The following AFG2B variants were observed in gnomAD, a reference collection of about 807,000 sequenced individuals.
The protein encoded by AFG2B is AAA ATPase AFG2B.
chr15:45,407,083 G>A, the AFG2B span: 24 of 1,289,182 alleles, frequency 1.9e-5, no homozygotes, highest in African/African-American at 1.4e-4. Context: ...AGCTGCTGTC[G>A]TCCCAGGGTG....
the AFG2B span, among the ~76,000 whole-genome samples, chr15:45,408,238 G>A: frequency 6.8e-4 from 104 of 152,088 alleles, 1 homozygote; most frequent in Admixed American, 6.7e-3. Context: ...AAAACTTATA[G>A]GAAAGTTGCA....
chr15:45,405,456 C>G, the AFG2B span: 1 of 1,614,060 alleles, frequency 6.2e-7, no homozygotes, highest in South Asian at 1.1e-5. Flanking sequence ...GCCGACCTGA[C>G]AGCACTCTGT....
the AFG2B span, among the ~76,000 whole-genome samples, chr15:45,409,309 G>A: frequency 1.3e-3 from 196 of 151,410 alleles, 1 homozygote; most frequent in African/African-American, 4.2e-3. Flanking sequence ...CCCAGGAGGC[G>A]GAGGCTGCAG....
At chr15:45,419,920 G>T in the AFG2B span, among the ~76,000 whole-genome samples, 2 of 145,486 alleles carry the variant, frequency 1.4e-5, no homozygotes, top group African/African-American at 2.5e-5. Flanking sequence ...GAGCCTGGAG[G>T]TCAAGGCTGT....
chr15:45,409,406 CTG>C, the AFG2B span, among the ~76,000 whole-genome samples: 4 of 149,698 alleles, frequency 2.7e-5, no homozygotes, highest in Non-Finnish European at 4.4e-5. Context: ...TTGATAATGT[CTG>C]TACTGGAGAG....
chr15:45,405,252 A>G, the AFG2B span: 1 of 1,434,996 alleles, frequency 7.0e-7, no homozygotes, highest in African/African-American at 1.4e-5. Context: ...CCATGAGATC[A>G]ACTTTAAAAA....
the AFG2B span, chr15:45,402,655 C>T: frequency 1.3e-6 from 2 of 1,578,682 alleles, no homozygotes; most frequent in Non-Finnish European, 1.7e-6. Context: ...GCAGCTGGAC[C>T]CGCTGTGCGC....
the AFG2B span, chr15:45,414,709 T>C: frequency 6.2e-7 from 1 of 1,614,170 alleles, no homozygotes. Flanking sequence ...CTGTCACTGC[T>C]CTTTCGTTTC....
the AFG2B span, among the ~76,000 whole-genome samples, chr15:45,410,949 C>A: frequency 6.6e-6 from 1 of 152,164 alleles, no homozygotes; most frequent in Non-Finnish European, 1.5e-5. Flanking sequence ...TACCTATAAT[C>A]TCAGCATTTT....
At chr15:45,405,541 CTAT>C in the AFG2B span, 750 of 1,585,088 alleles carry the variant, frequency 4.7e-4, 2 homozygotes, top group Middle Eastern at 7.5e-4. Flanking sequence ...CTATGTTAAT[CTAT>C]TATTGTAACA....
At chr15:45,406,380 T>C in the AFG2B span, among the ~76,000 whole-genome samples, 1 of 152,226 alleles carries the variant, frequency 6.6e-6, no homozygotes, top group Non-Finnish European at 1.5e-5. Flanking sequence ...TAAGGTGGTG[T>C]CTGTGAGATT....
chr15:45,404,117 C>T, the AFG2B span, among the ~76,000 whole-genome samples: 1 of 152,240 alleles, frequency 6.6e-6, no homozygotes, highest in South Asian at 2.1e-4. Flanking sequence ...AGCTTTGGTC[C>T]TAAATTGACT....
the AFG2B span, chr15:45,421,220 T>TA: frequency 3.8e-6 from 6 of 1,585,402 alleles, no homozygotes; most frequent in African/African-American, 1.4e-5. Context: ...AAAATCACCT[T>TA]AAACTCTTGT....
At chr15:45,417,444 A>G in the AFG2B span, 5 of 1,604,672 alleles carry the variant, frequency 3.1e-6, no homozygotes, top group Non-Finnish European at 4.3e-6. Context: ...GCAGAATTGA[A>G]TTCCAACTTG....
chr15:45,411,542 T>A, the AFG2B span, among the ~76,000 whole-genome samples: 9 of 152,198 alleles, frequency 5.9e-5, no homozygotes, highest in Non-Finnish European at 1.3e-4. Context: ...GGCCTTGAAC[T>A]CCTGGGCTTA....
chr15:45,419,449 G>A, the AFG2B span, among the ~76,000 whole-genome samples: 2 of 151,228 alleles, frequency 1.3e-5, no homozygotes, highest in East Asian at 1.9e-4. Context: ...GTGACAGAGT[G>A]AGACTCTGTC....
At chr15:45,414,733 G>C in the AFG2B span, 3 of 1,614,144 alleles carry the variant, frequency 1.9e-6, no homozygotes, top group Admixed American at 1.7e-5. Flanking sequence ...GAGTGGAGCT[G>C]ATCTGTTTTC....
chr15:45,410,314 A>T, the AFG2B span: 2 of 1,565,986 alleles, frequency 1.3e-6, no homozygotes, highest in African/African-American at 2.7e-5. Context: ...ATTGTGCTAT[A>T]AAAAAAGACC....
chr15:45,404,297 T>G, the AFG2B span, among the ~76,000 whole-genome samples: 1 of 152,178 alleles, frequency 6.6e-6, no homozygotes, highest in African/African-American at 2.4e-5. Context: ...GACCTAGCTA[T>G]CTATACCTGG....
Sources: gnomAD v4.1 joint callset for allele counts (sites outside exome capture counted in the v4.1 genomes callset) on GRCh38, gnomAD v4.1.1 for gene constraint, MANE v1.5 for transcripts, NCBI Gene and HGNC (gene_info 2026-07-23, HGNC 2026-07-21) for gene names.